The following GABRQ variants were observed in gnomAD, a reference collection of about 807,000 sequenced individuals.
The protein encoded by GABRQ is gamma-aminobutyric acid receptor subunit theta.
Under a neutral mutation model 30.5 loss-of-function variants are expected in GABRQ, and 19 were observed. The ratio of observed to expected loss-of-function variants is 0.62; its 90% CI spans 0.43 to 0.91. The LOEUF (loss-of-function observed/expected upper bound fraction) is 0.91, where lower values mean the gene tolerates loss of function less well. Among genes scored for constraint, GABRQ ranks in the 40% least tolerant of loss-of-function variants. GABRQ has a pLI of 0.00. For missense variants in GABRQ, 520 were observed against 521.4 expected, an observed-to-expected ratio of 1.00 and a Z score of 0.03; for synonymous variants, 187 against 210.2, an observed-to-expected ratio of 0.89 and a Z score of 0.95.
chrX:152,652,607 G>A lies in GABRQ; in HGVS notation c.1225G>A (p.Ala409Thr). 8.3e-7 allele frequency: 1 copy of A among 1,211,078 alleles called. No homozygotes were observed. The highest frequency in any genetic ancestry group is 1.1e-6 in the Non-Finnish European group (1 of 894,787). ...CATCACCCCAGCGCAGGCCCCCCTG[G>A]CAAGCCCGGAAAGCCTCGGTTCTTT... Reference protein sequence around the residue: ...LPITPAQAPLASPESLGSLTS... With the variant: ...LPITPAQAPLTSPESLGSLTS... Residue 409 changes from alanine to threonine, a missense_variant, in exon 9 of 9, where the codon GCA becomes ACA. Coordinates refer to ENST00000598523, the MANE Select transcript of GABRQ (RefSeq NM_018558.4).
In GABRQ at chrX:152,645,551, C is replaced by G. The variant is rs1356856170; in HGVS notation, c.263C>G (p.Ser88Cys). Residue 88 changes from serine to cysteine, a missense_variant, in exon 3 of 9, where the codon TCT (serine) becomes TGT (cysteine). Ser to Cys is a moderately radical substitution (Grantham distance 112). Transcript: ENST00000598523. ...FGGAPVPVRI[S>C]IYVTSIEQIS... is the part of the protein sequence containing the mutation. ...GGTGCCCCTGTGCCTGTGAGAATATCTATTTATGTCACGAGCATTGAACAG... is the reference window on the plus strand; with the variant it reads ...GGTGCCCCTGTGCCTGTGAGAATATGTATTTATGTCACGAGCATTGAACAG... 6 of 1,134,029 alleles carry G rather than the reference C, an allele frequency of 5.3e-6. No homozygotes were observed. The highest frequency in any genetic ancestry group is 7.3e-6 in the Non-Finnish European group (6 of 826,140). 93.5% of individuals were successfully genotyped at this position (1,134,029 alleles called of 1,213,427 possible).
chrX:152,642,929 C>T (rs926419731), intron 2 of GABRQ, among the ~76,000 whole-genome samples: 14 of 112,741 alleles, frequency 1.2e-4, no homozygotes, highest in Non-Finnish European at 2.4e-4. Flanking sequence ...CATCCCTGTG[C>T]CAGGACTCAT....
chrX:152,639,476 G>A (rs1306904076), intron 1 of GABRQ, among the ~76,000 whole-genome samples: 1 of 111,683 alleles, frequency 9.0e-6, no homozygotes, highest in Non-Finnish European at 1.9e-5. Flanking sequence ...CAGTGATGCC[G>A]GGGCCTGTTC....
rs1364231894 is a variant in GABRQ at position 152,638,139 on chromosome X, C to T, written c.-64C>T. The T allele has an allele frequency of 3.7e-6, 4 of 1,084,610 alleles. No homozygotes were observed. The highest frequency in any genetic ancestry group is 3.1e-4 in the Middle Eastern group (1 of 3,278). The allele number at this position is 1,084,610 out of a possible 1,213,427, so 89.4% of individuals were successfully genotyped here. ...CCCCAGTAGTCACCCACTCTCCCAC[C>T]CCACCTCTGTTCCTTTTCGCGGCCC... On this transcript the variant is annotated 5_prime_UTR_variant, in exon 1 of 9. Coordinates refer to ENST00000598523, the MANE Select transcript of GABRQ (RefSeq NM_018558.4).
At position 152,638,147 on chromosome X, in the gene GABRQ, T is replaced by A; in HGVS notation, c.-56T>A. On this transcript the variant is annotated 5_prime_UTR_variant, in exon 1 of 9. Transcript: ENST00000598523. The stretch of plus-strand genomic sequence containing the variant: ...GTCACCCACTCTCCCACCCCACCTC[T>A]GTTCCTTTTCGCGGCCCCGTCTCCC... The A allele has an allele frequency of 8.9e-7, 1 of 1,119,854 alleles. No individual in the cohort carries two copies. The highest frequency in any genetic ancestry group is 1.2e-6 in the Non-Finnish European group (1 of 825,223). The allele number at this position is 1,119,854 out of a possible 1,213,427, so 92.3% of individuals were successfully genotyped here.
intron 4 of GABRQ, among the ~76,000 whole-genome samples, chrX:152,648,066 G>C (rs1453549877): frequency 8.9e-6 from 1 of 112,157 alleles, no homozygotes; most frequent in Non-Finnish European, 1.9e-5. Context: ...TCTACTTAAA[G>C]GGAGAATTAG....
rs1556820985 is a variant in GABRQ, at chrX:152,654,839, T to C, written c.*1558T>C. ...CCCCTCTACCCACTCACCCTTTAAC[T>C]GTGCTTCTGTGTTTGTGTTTCTGTA... is the stretch of plus-strand genomic sequence containing the variant. On this transcript the variant is annotated 3_prime_UTR_variant, in exon 9 of 9. Transcript: ENST00000598523. 2 of 112,504 alleles carry C rather than the reference T, an allele frequency of 1.8e-5. No individual in the cohort carries two copies. Among genetic ancestry groups the C allele is most frequent in the African/African-American group, 3.2e-5 (1 of 30,916 alleles). 9.3% of individuals were successfully genotyped at this position (112,504 alleles called of 1,213,427 possible).
Position 152,638,076 on chromosome X carries a change from A to G in GABRQ, c.-127A>G. ...CCTCGCTGCTCTCTCCTTAGAGGCG[A>G]CTCTTTGGGGAAGGGCCAGCAATCC... is the stretch of plus-strand genomic sequence containing the variant. On this transcript the variant is annotated 5_prime_UTR_variant, in exon 1 of 9. Coordinates refer to ENST00000598523, the MANE Select transcript of GABRQ (RefSeq NM_018558.4). 1.7e-6 allele frequency: 1 copy of G among 575,278 alleles called. No homozygotes were observed. Among genetic ancestry groups the G allele is most frequent in the South Asian group, 3.0e-5 (1 of 33,372 alleles). The allele number at this position is 575,278 out of a possible 1,213,427, so 47.4% of individuals were successfully genotyped here.
chrX:152,652,177 T>C (rs1219920418), intron 8 of GABRQ, among the ~76,000 whole-genome samples: 2 of 112,817 alleles, frequency 1.8e-5, no homozygotes, highest in Admixed American at 1.9e-4. Context: ...CCCAAGGCAA[T>C]GCTGAGGCTT....
chrX:152,642,511 G>A (rs1486601086), intron 2 of GABRQ, among the ~76,000 whole-genome samples: 1 of 112,875 alleles, frequency 8.9e-6, no homozygotes, highest in Non-Finnish European at 1.9e-5. Context: ...CTAGGCAAGA[G>A]AACTGGGACT....
downstream of GABRQ, among the ~76,000 whole-genome samples, chrX:152,657,864 G>A (rs782184992): frequency 1.2e-4 from 13 of 112,479 alleles, no homozygotes; most frequent in African/African-American, 2.6e-4. Context: ...GGAGAGCCCC[G>A]ACTTGAGCCC....
At chrX:152,639,158 T>A (rs193033487) in intron 1 of GABRQ, among the ~76,000 whole-genome samples, 31 of 110,840 alleles carry the variant, frequency 2.8e-4, no homozygotes, top group Middle Eastern at 9.3e-3. Flanking sequence ...TGCTTTAATT[T>A]GGGAATAATT....
chrX:152,651,522 A>G lies in GABRQ; in HGVS notation c.902-4A>G, dbSNP rs1931020032. 1 of 1,206,864 alleles carries G rather than the reference A, an allele frequency of 8.3e-7. No homozygotes were observed. Among genetic ancestry groups the G allele is most frequent in the Admixed American group, 2.2e-5 (1 of 46,103 alleles). On this transcript the variant is annotated splice_polypyrimidine_tract_variant and splice_region_variant and intron_variant, in intron 7 of 8. Transcript: ENST00000598523. ...AGACTAAGTCTGTACTGTGTTGCTT[A>G]CAGGCTTAACTTCAATGCTCATCCT...
chrX:152,656,732 C>A lies in GABRQ; in HGVS notation c.*3451C>A, dbSNP rs1931156984. 8.9e-6 allele frequency: 1 copy of A among 112,454 alleles called. No individual in the cohort carries two copies. Among genetic ancestry groups the A allele is most frequent in the Admixed American group, 9.4e-5 (1 of 10,664 alleles). 9.3% of individuals were successfully genotyped at this position (112,454 alleles called of 1,213,427 possible). ...CTCATTCCATATATATAATAGCTAACCCTTAAAGCCATTAACTAATGAATG... is the reference window on the plus strand; with the variant it reads ...CTCATTCCATATATATAATAGCTAAACCTTAAAGCCATTAACTAATGAATG... On this transcript the variant is annotated 3_prime_UTR_variant, in exon 9 of 9. Transcript: ENST00000598523.
chrX:152,639,417 T>G (rs1038829569), intron 1 of GABRQ, among the ~76,000 whole-genome samples: 2 of 104,235 alleles, frequency 1.9e-5, no homozygotes, highest in Non-Finnish European at 3.8e-5. Flanking sequence ...CACACACATT[T>G]GCAGGGGCTG....
intron 1 of GABRQ, 62 bp downstream of exon 1, chrX:152,638,413 C>T (rs1220097084): frequency 2.7e-6 from 3 of 1,117,154 alleles, no homozygotes; most frequent in Admixed American, 2.2e-5. Flanking sequence ...CAGACGACCT[C>T]TGGCCTCTTG....
chrX:152,638,119 G>A lies in GABRQ; in HGVS notation c.-84G>A, dbSNP rs1425176573. ...AGCAATCCCGCCTTCCCCGGCCCCAGTAGTCACCCACTCTCCCACCCCACC... is the reference window on the plus strand; with the variant it reads ...AGCAATCCCGCCTTCCCCGGCCCCAATAGTCACCCACTCTCCCACCCCACC... On this transcript the variant is annotated 5_prime_UTR_variant, in exon 1 of 9. Coordinates refer to ENST00000598523, the MANE Select transcript of GABRQ (RefSeq NM_018558.4). 1 of 874,704 alleles carries A rather than the reference G, an allele frequency of 1.1e-6. No homozygotes were observed. Among genetic ancestry groups the A allele is most frequent in the African/African-American group, 2.0e-5 (1 of 50,619 alleles). The allele number at this position is 874,704 out of a possible 1,213,427, so 72.1% of individuals were successfully genotyped here. A position where few individuals can be genotyped will look rare whatever the true frequency, so the allele number is the denominator to read the frequency against.
In GABRQ at chrX:152,652,308, C is replaced by T. The variant is rs1422436177; in HGVS notation, c.1159-233C>T. On this transcript the variant is annotated intron_variant, in intron 8 of 8. Transcript: ENST00000598523. The stretch of plus-strand genomic sequence containing the variant: ...CTCCTGAGGGAGCAGCTGCCTCCAG[C>T]GAGACACTGGCTTGGCAGCCTCCAT... Among the ~76,000 whole-genome samples, 3 of 113,163 alleles carry T rather than the reference C, an allele frequency of 2.7e-5. No homozygotes were observed. In the East Asian group the frequency reaches 8.4e-4, roughly 32 times the overall value.
intron 1 of GABRQ, among the ~76,000 whole-genome samples, chrX:152,639,378 G>GCGCGCACACACACACA (rs202009485): frequency 9.7e-6 from 1 of 103,346 alleles, no homozygotes; most frequent in African/African-American, 3.6e-5. Context: ...ATGCGCGTGC[G>GCGCGCACACACACACA]CACACACACA....
Sources: gnomAD v4.1 joint callset for allele counts (sites outside exome capture counted in the v4.1 genomes callset) on GRCh38, gnomAD v4.1.1 for gene constraint, MANE v1.5 for transcripts, NCBI Gene and HGNC (gene_info 2026-07-23, HGNC 2026-07-21) for gene names.